Variants in L3MBTL4 observed in about 807,000 individuals in gnomAD.
L3MBTL4 encodes the protein L3MBTL histone methyl-lysine binding protein 4, also known as lethal(3)malignant brain tumor-like protein 4.
In L3MBTL4, 70 loss-of-function variants were observed where a neutral mutation model predicts 84.5. The ratio of observed to expected loss-of-function variants is 0.83; its 90% CI spans 0.68 to 1.01. L3MBTL4 has a LOEUF of 1.01. L3MBTL4 is among the 50% of genes least tolerant of loss of function. L3MBTL4 has a pLI of 0.00. For missense variants in L3MBTL4, 715 were observed against 754.8 expected (o/e 0.95, Z 0.62); for synonymous variants, 274 against 259.8 (o/e 1.05, Z -0.52).
At chr18:6,206,724 G>T (rs564516683) in intron 12 of L3MBTL4, among the ~76,000 whole-genome samples, 2 of 152,164 alleles carry the variant, frequency 1.3e-5, no homozygotes, top group South Asian at 2.1e-4. Context: ...TAAAAAGAGG[G>T]TTATCAACTG....
intron 13 of L3MBTL4, among the ~76,000 whole-genome samples, chr18:6,159,734 T>C (rs1431056329): frequency 6.6e-6 from 1 of 152,046 alleles, no homozygotes; most frequent in African/African-American, 2.4e-5. Context: ...CACCTCAGTT[T>C]TTTGTCATTT....
At chr18:5,976,802 G>T (rs979332888) in intron 16 of L3MBTL4, among the ~76,000 whole-genome samples, 2 of 152,158 alleles carry the variant, frequency 1.3e-5, no homozygotes, top group African/African-American at 2.4e-5. Flanking sequence ...CAAAAGCAAA[G>T]AATGACTTTC....
At chr18:6,304,964 GCTACTGAAATTCTGC>G (rs1426037873) in intron 3 of L3MBTL4, among the ~76,000 whole-genome samples, 2 of 152,122 alleles carry the variant, frequency 1.3e-5, no homozygotes, top group Non-Finnish European at 2.9e-5. Context: ...TTCTGTATTT[GCTACTGAAATTCTGC>G]CTAGAAAGAA....
intron 16 of L3MBTL4, among the ~76,000 whole-genome samples, chr18:6,051,944 G>C (rs780294658): frequency 1.3e-5 from 2 of 152,342 alleles, no homozygotes; most frequent in East Asian, 3.9e-4. Context: ...AACACCAGAG[G>C]AGTCTTGTAG....
At chr18:6,368,826 G>T (rs1287526188) in intron 1 of L3MBTL4, among the ~76,000 whole-genome samples, 1 of 152,130 alleles carries the variant, frequency 6.6e-6, no homozygotes, top group South Asian at 2.1e-4. Context: ...CAGATCACTT[G>T]AGGTCAGGAG....
intron 13 of L3MBTL4, among the ~76,000 whole-genome samples, chr18:6,155,235 T>C (rs2043054633): frequency 1.3e-5 from 2 of 152,132 alleles, no homozygotes; most frequent in South Asian, 2.1e-4. Context: ...GTTATAGAAA[T>C]AACACTACAT....
chr18:6,361,743 A>C (rs1370161696), intron 1 of L3MBTL4, among the ~76,000 whole-genome samples: 1 of 151,854 alleles, frequency 6.6e-6, no homozygotes, highest in Non-Finnish European at 1.5e-5. Context: ...TCCACAGATG[A>C]CCTCCAAAGA....
rs1188623789 is a variant in L3MBTL4 at position 6,237,868 on chromosome 18, A to T, written c.784+96T>A. 3.3e-5 allele frequency: 29 copies of T among 871,510 alleles called. No homozygotes were observed. The Admixed American group carries it at 5.2e-4, about 15-fold the overall frequency. 54.0% of individuals were successfully genotyped at this position (871,510 alleles called of 1,614,324 possible). A position where few individuals can be genotyped will look rare whatever the true frequency, so the allele number is the denominator to read the frequency against. On this transcript the variant is annotated intron_variant, in intron 10 of 18. Transcript: ENST00000317931. ...ATAGTGTTTTTATCATATTAAATAG[A>T]TATGTATTAAAATCTGGTCTTCATA...
intron 5 of L3MBTL4, among the ~76,000 whole-genome samples, chr18:6,245,284 G>A (rs1276472301): frequency 1.3e-5 from 2 of 152,180 alleles, no homozygotes; most frequent in East Asian, 1.9e-4. Context: ...TGTAGTTAGT[G>A]CTCAAGGATG....
At chr18:6,248,486 CA>C (rs2047781409) in intron 5 of L3MBTL4, among the ~76,000 whole-genome samples, 1 of 152,194 alleles carries the variant, frequency 6.6e-6, no homozygotes, top group South Asian at 2.1e-4. Context: ...AACATGCTTC[CA>C]AAAGTTAAAA....
At chr18:6,257,653 T>C (rs1293240117) in intron 5 of L3MBTL4, among the ~76,000 whole-genome samples, 11 of 149,762 alleles carry the variant, frequency 7.3e-5, no homozygotes, top group African/African-American at 2.2e-4. Flanking sequence ...TTCTTTTTTT[T>C]TTTTTTTTTT....
chr18:6,201,000 T>G (rs1271637578), intron 12 of L3MBTL4, among the ~76,000 whole-genome samples: 4 of 152,242 alleles, frequency 2.6e-5, no homozygotes, highest in Non-Finnish European at 5.9e-5. Flanking sequence ...CTTTCTCCAT[T>G]CATTTGGCAA....
At chr18:6,074,134 T>C (rs2057782560) in intron 16 of L3MBTL4, among the ~76,000 whole-genome samples, 1 of 152,234 alleles carries the variant, frequency 6.6e-6, no homozygotes, top group Non-Finnish European at 1.5e-5. Flanking sequence ...ATGCTGTTCG[T>C]CATAACCCCT....
chr18:6,036,381 C>T (rs2056142220), intron 16 of L3MBTL4, among the ~76,000 whole-genome samples: 2 of 151,916 alleles, frequency 1.3e-5, no homozygotes, highest in Admixed American at 1.3e-4. Flanking sequence ...TTTTTTCCTG[C>T]TCAAATCTCC....
intron 4 of L3MBTL4, among the ~76,000 whole-genome samples, chr18:6,269,713 T>C (rs2048786004): frequency 6.6e-6 from 1 of 152,244 alleles, no homozygotes; most frequent in South Asian, 2.1e-4. Flanking sequence ...AAGCGCAGTT[T>C]ATATGAACAT....
At chr18:6,321,142 G>GA (rs997138262) in intron 1 of L3MBTL4, among the ~76,000 whole-genome samples, 4 of 151,998 alleles carry the variant, frequency 2.6e-5, no homozygotes, top group African/African-American at 9.7e-5. Flanking sequence ...ACATAACCTG[G>GA]AAAATCTCTT....
chr18:6,034,924 T>C (rs1391831861), intron 16 of L3MBTL4, among the ~76,000 whole-genome samples: 3 of 150,360 alleles, frequency 2.0e-5, no homozygotes, highest in South Asian at 2.1e-4. Flanking sequence ...TTTCATGTGT[T>C]TTTTGGCTGC....
At chr18:6,367,056 G>T (rs549150471) in intron 1 of L3MBTL4, among the ~76,000 whole-genome samples, 109 of 152,304 alleles carry the variant, frequency 7.2e-4, no homozygotes, top group African/African-American at 2.5e-3. Flanking sequence ...AGGCCAGGAG[G>T]GGGGCTCCCC....
chr18:6,054,725 TA>T (rs2056956277), intron 16 of L3MBTL4, among the ~76,000 whole-genome samples: 1 of 152,210 alleles, frequency 6.6e-6, no homozygotes. Flanking sequence ...GCGCTGCTCT[TA>T]TTTACTGTGG....
Sources: allele counts gnomAD v4.1 joint callset (sites outside exome capture counted in the v4.1 genomes callset), GRCh38; gene constraint gnomAD v4.1.1; transcripts MANE v1.5; gene names NCBI Gene and HGNC (gene_info 2026-07-23, HGNC 2026-07-21).